Variants in BTBD1 observed in about 807,000 individuals in gnomAD.
BTBD1 encodes the protein BTB domain containing 1, also known as BTB/POZ domain-containing protein 1.
In BTBD1, 34 loss-of-function variants were observed where a neutral mutation model predicts 48.0. The observed-to-expected ratio is 0.71, with a 90% CI of 0.54 to 0.94. The LOEUF (loss-of-function observed/expected upper bound fraction) is 0.94, where lower values mean the gene tolerates loss of function less well. BTBD1 is among the 40% of genes least tolerant of loss of function. The probability of loss-of-function intolerance (pLI) is 0.00; values close to 1 mark genes in which losing one functional copy is unlikely to be tolerated. For synonymous variants in BTBD1, 261 were observed against 242.1 expected (o/e 1.08, Z -0.72); for missense variants, 543 against 625.6 (o/e 0.87, Z 1.41).
In BTBD1 at chr15:83,018,084, T is replaced by C. The variant is rs760818782; in HGVS notation, c.1432A>G (p.Ile478Val). 6.2e-7 allele frequency: 1 copy of C among 1,605,488 alleles called. No individual in the cohort carries two copies. The highest frequency in any genetic ancestry group is 1.7e-5 in the Admixed American group (1 of 59,226). ...ATGCTAAATTATGTATAAAATATGA[T>C]TTCTGGAATTTGTCCATCTTCTATT... ...TSIEDGQIPEIIFYT is the reference protein window; with the variant it reads ...TSIEDGQIPEVIFYT The change falls in exon 8 of 8, where the codon ATC becomes GTC. Residue 478 changes from isoleucine (I) to valine (V), a missense_variant. Physicochemically the swap from Ile to Val is conservative, Grantham distance 29. Coordinates refer to ENST00000261721, the MANE Select transcript of BTBD1 (RefSeq NM_025238.4).
intron 5 of BTBD1, among the ~76,000 whole-genome samples, chr15:83,028,202 A>G (rs368063901): frequency 1.3e-5 from 2 of 152,230 alleles, no homozygotes; most frequent in South Asian, 2.1e-4. Flanking sequence ...TGAGGTTTCA[A>G]TAGTTTATCA....
intron 1 of BTBD1, among the ~76,000 whole-genome samples, chr15:83,058,261 T>C (rs1357814770): frequency 6.6e-6 from 1 of 152,256 alleles, no homozygotes; most frequent in Non-Finnish European, 1.5e-5. Context: ...TCATCTACTC[T>C]AGTTCATCCA....
chr15:83,033,614 T>C (rs1203717008), intron 4 of BTBD1, among the ~76,000 whole-genome samples: 1 of 152,176 alleles, frequency 6.6e-6, no homozygotes, highest in African/African-American at 2.4e-5. Context: ...AGGGTCTCAC[T>C]GTTGCCCAGG....
At chr15:83,045,724 T>C (rs1182920446) in intron 3 of BTBD1, among the ~76,000 whole-genome samples, 2 of 152,152 alleles carry the variant, frequency 1.3e-5, no homozygotes, top group African/African-American at 4.8e-5. Context: ...CAGATGAGTA[T>C]AAACTATGGC....
Position 83,038,880 on chromosome 15 carries a change from A to G in BTBD1, c.862+2848T>C, listed in dbSNP as rs542842945. 3.3e-5 allele frequency among the ~76,000 whole-genome samples: 5 copies of G among 152,316 alleles called. No individual in the cohort carries two copies. In the South Asian group the frequency reaches 8.3e-4, roughly 25 times the overall value. On this transcript the variant is annotated intron_variant, in intron 4 of 7. Transcript: ENST00000261721. ...TACCTTTCACCATACATAAAAATTA[A>G]CTCAAGATGGATTAAAGATTTAAAG...
In BTBD1 at chr15:83,057,106, T is replaced by C. The variant is rs1349732178; in HGVS notation, c.402-561A>G. Among the ~76,000 whole-genome samples the C allele has an allele frequency of 2.6e-5, 4 of 152,312 alleles. No homozygotes were observed. The South Asian group carries it at 8.3e-4, about 32-fold the overall frequency. On this transcript the variant is annotated intron_variant, in intron 1 of 7. Coordinates refer to ENST00000261721, the MANE Select transcript of BTBD1 (RefSeq NM_025238.4). ...AGAAAGCTACCATTTGTTGAGTGTC[T>C]GCCGTATGACAAATGCCAATTCATT...
rs139382287 is a variant in BTBD1, at chr15:83,050,176, A to G, written c.561T>C (p.Ala187=). The G allele has an allele frequency of 3.6e-5, 58 of 1,604,478 alleles. No homozygotes were observed. Among genetic ancestry groups the G allele is most frequent in the Non-Finnish European group, 4.7e-5 (55 of 1,172,370 alleles). ...CAAGCTGAGGTTCATCAAATAATCG[A>G]GCCTAAACATATAAAGAGATAGTTA... is the stretch of plus-strand genomic sequence containing the variant. ...ADNAFMLLTQ[A]RLFDEPQLAS... Residue 187 remains alanine, a splice_region_variant and synonymous_variant, in exon 3 of 8, where the codon GCT becomes GCC. Coordinates refer to ENST00000261721, the MANE Select transcript of BTBD1 (RefSeq NM_025238.4).
chr15:83,055,667 A>G (rs2033070383), intron 2 of BTBD1, among the ~76,000 whole-genome samples: 1 of 152,234 alleles, frequency 6.6e-6, no homozygotes, highest in Non-Finnish European at 1.5e-5. Flanking sequence ...GCAGTAGATC[A>G]GCAAGTTTCC....
intron 6 of BTBD1, among the ~76,000 whole-genome samples, chr15:83,019,760 A>C (rs1047049771): frequency 3.3e-5 from 5 of 150,318 alleles, no homozygotes; most frequent in African/African-American, 1.2e-4. Context: ...ATGCCCAGCT[A>C]ATTTTTTTGT....
chr15:83,047,270 C>T (rs1038923335), intron 3 of BTBD1, among the ~76,000 whole-genome samples: 1 of 152,140 alleles, frequency 6.6e-6, no homozygotes, highest in Non-Finnish European at 1.5e-5. Flanking sequence ...TAGGGGAACA[C>T]GGTATCTAAT....
At chr15:83,027,139 G>T (rs978608949) in intron 5 of BTBD1, among the ~76,000 whole-genome samples, 2 of 152,118 alleles carry the variant, frequency 1.3e-5, no homozygotes, top group Non-Finnish European at 2.9e-5. Flanking sequence ...AATCACCTGA[G>T]GTCAGGAGTT....
Position 83,039,172 on chromosome 15 carries a change from T to C in BTBD1, c.862+2556A>G, listed in dbSNP as rs1183536533. On this transcript the variant is annotated intron_variant, in intron 4 of 7. Transcript: ENST00000261721. ...AATATCCAGGATCTACAGGGAATTT[T>C]AACAATTCAATAAGAAAAAAAAAAC... 2.0e-5 allele frequency among the ~76,000 whole-genome samples: 3 copies of C among 151,146 alleles called. No individual in the cohort carries two copies. In the East Asian group the frequency reaches 5.8e-4, roughly 29 times the overall value.
intron 1 of BTBD1, among the ~76,000 whole-genome samples, chr15:83,060,283 A>T (rs946347746): frequency 2.2e-4 from 30 of 137,626 alleles, no homozygotes; most frequent in African/African-American, 3.0e-4. Context: ...TATAATATTT[A>T]AAAAAAAACT....
chr15:83,058,945 G>T (rs1238324414), intron 1 of BTBD1, among the ~76,000 whole-genome samples: 5 of 152,146 alleles, frequency 3.3e-5, no homozygotes, highest in African/African-American at 1.2e-4. Context: ...GAACAAGAGA[G>T]AATCAAGTTT....
At chr15:83,027,220 C>T (rs2032427180) in intron 5 of BTBD1, among the ~76,000 whole-genome samples, 3 of 152,096 alleles carry the variant, frequency 2.0e-5, no homozygotes, top group Admixed American at 2.0e-4. Context: ...GGTGTGGTGG[C>T]ACATGCCTGT....
chr15:83,053,568 GAATT>G (rs753180674), intron 2 of BTBD1, among the ~76,000 whole-genome samples: 34 of 152,130 alleles, frequency 2.2e-4, no homozygotes, highest in Non-Finnish European at 4.6e-4. Flanking sequence ...ATTGGTTTCT[GAATT>G]TATATCTCAC....
At chr15:83,031,319 A>G (rs1351179721) in intron 4 of BTBD1, among the ~76,000 whole-genome samples, 2 of 152,204 alleles carry the variant, frequency 1.3e-5, no homozygotes, top group Non-Finnish European at 2.9e-5. Context: ...GGCTGCATAA[A>G]TGTCTTCTTT....
At chr15:83,044,601 G>A (rs563879784) in intron 3 of BTBD1, 6 of 1,593,246 alleles carry the variant, frequency 3.8e-6, no homozygotes, top group African/African-American at 1.3e-5. Flanking sequence ...CACAGCTGAT[G>A]GCAGAAAAAC....
chr15:83,035,566 G>T (rs1475150535), intron 4 of BTBD1, among the ~76,000 whole-genome samples: 1 of 151,990 alleles, frequency 6.6e-6, no homozygotes, highest in African/African-American at 2.4e-5. Context: ...AAAAACTGTG[G>T]GGGGGAAGGA....
Sources: allele counts gnomAD v4.1 joint callset (sites outside exome capture counted in the v4.1 genomes callset), GRCh38; gene constraint gnomAD v4.1.1; transcripts MANE v1.5; gene names NCBI Gene and HGNC (gene_info 2026-07-23, HGNC 2026-07-21).